Variants in ANKHD1 observed in about 807,000 individuals in gnomAD.
ANKHD1 encodes the protein ankyrin repeat and KH domain-containing protein 1.
In ANKHD1, 31 loss-of-function variants were observed where a neutral mutation model predicts 230.5. The ratio of observed to expected loss-of-function variants is 0.13; its 90% CI spans 0.10 to 0.18. ANKHD1 has a LOEUF of 0.18. Among genes scored for constraint, ANKHD1 ranks in the 10% least tolerant of loss-of-function variants. The probability of loss-of-function intolerance (pLI) is 1.00; values close to 1 mark genes in which losing one functional copy is unlikely to be tolerated. For missense variants in ANKHD1, 2,256 were observed against 3,071.3 expected, an observed-to-expected ratio of 0.73 and a Z score of 6.27; for synonymous variants, 1,074 against 1,117.6, an observed-to-expected ratio of 0.96 and a Z score of 0.78.
chr5:140,524,894 T>G, intron 25 of ANKHD1: 1 of 237,764 alleles, frequency 4.2e-6, no homozygotes, highest in Non-Finnish European at 8.5e-6. Context: ...AGGTCAGGAG[T>G]TTGAGACCAG....
chr5:140,474,012 G>A lies in ANKHD1; in HGVS notation c.1783-8568G>A, dbSNP rs574474525. ...TTTTACACTTTGAGACATTGGTAGA[G>A]GCCATACAGATTATTCTGCATCATT... On this transcript the variant is annotated intron_variant, in intron 10 of 33. Transcript: ENST00000360839. Among the ~76,000 whole-genome samples the A allele has an allele frequency of 3.0e-4, 45 of 152,212 alleles. No individual in the cohort carries two copies. The South Asian group carries it at 5.6e-3, about 19-fold the overall frequency.
intron 10 of ANKHD1, 30 bp from the exon 11 acceptor site, chr5:140,482,550 G>C: frequency 6.2e-7 from 1 of 1,605,828 alleles, no homozygotes. Flanking sequence ...TGTTGGCATT[G>C]ATGGATTATT....
At chr5:140,422,938 C>G (rs1314822961) in intron 1 of ANKHD1, among the ~76,000 whole-genome samples, 2 of 151,628 alleles carry the variant, frequency 1.3e-5, no homozygotes, top group South Asian at 4.2e-4. Flanking sequence ...TGCAGTGGTG[C>G]GATCATGGCT....
At chr5:140,415,941 C>T (rs930664698) in intron 1 of ANKHD1, among the ~76,000 whole-genome samples, 1 of 152,060 alleles carries the variant, frequency 6.6e-6, no homozygotes, top group African/African-American at 2.4e-5. Flanking sequence ...TTCCCCCTCC[C>T]CTGACCCCAC....
chr5:140,531,621 T>G (rs1451482510), intron 29 of ANKHD1, among the ~76,000 whole-genome samples: 6 of 151,694 alleles, frequency 4.0e-5, no homozygotes, highest in East Asian at 1.9e-4. Flanking sequence ...TGGGAAAAGA[T>G]AGAGAGAAAC....
intron 10 of ANKHD1, among the ~76,000 whole-genome samples, chr5:140,469,140 T>C (rs1010666021): frequency 1.3e-5 from 2 of 151,642 alleles, no homozygotes; most frequent in African/African-American, 4.8e-5. Context: ...CCCTCCTTCC[T>C]TCTTCTTCCT....
At chr5:140,508,253 TTACAACTTTTGAATGTAGTA>T (rs1403877789) in intron 20 of ANKHD1, among the ~76,000 whole-genome samples, 1 of 152,214 alleles carries the variant, frequency 6.6e-6, no homozygotes, top group Non-Finnish European at 1.5e-5. Flanking sequence ...ATACTGCAGC[TTACAACTTTTGAATGTAGTA>T]AGATTATTTT....
intron 9 of ANKHD1, 94 bp from the exon 10 acceptor site, chr5:140,464,573 T>G: frequency 9.5e-7 from 1 of 1,058,008 alleles, no homozygotes. Flanking sequence ...TATTTTCACA[T>G]TTTGAATTCT....
chr5:140,443,357 G>A (rs1774013952), intron 5 of ANKHD1, among the ~76,000 whole-genome samples: 1 of 151,844 alleles, frequency 6.6e-6, no homozygotes, highest in Non-Finnish European at 1.5e-5. Context: ...CTTTGTTCTG[G>A]TTAACAGCAT....
intron 29 of ANKHD1, chr5:140,531,260 G>C: frequency 2.4e-6 from 1 of 412,318 alleles, no homozygotes; most frequent in Non-Finnish European, 4.8e-6. Context: ...CACGGATATA[G>C]TTTACTTTCC....
At chr5:140,536,746 G>A (rs1754097353) in intron 30 of ANKHD1, among the ~76,000 whole-genome samples, 1 of 152,158 alleles carries the variant, frequency 6.6e-6, no homozygotes. Context: ...AAATGTGGCT[G>A]GGCGTGGTGG....
chr5:140,413,951 T>G lies in ANKHD1; in HGVS notation c.306+11678T>G, dbSNP rs1771145294. 2.0e-5 allele frequency among the ~76,000 whole-genome samples: 3 copies of G among 152,084 alleles called. No homozygotes were observed. The South Asian group carries it at 6.2e-4, about 31-fold the overall frequency. On this transcript the variant is annotated intron_variant, in intron 1 of 33. Coordinates refer to ENST00000360839, the MANE Select transcript of ANKHD1 (RefSeq NM_017747.3). ...GTGTGCCACCATGCCTGGCTAATTT[T>G]TGTATTTTTAGTGGAGATGGGGTTT...
At chr5:140,539,209 A>G (rs1290925835) in intron 33 of ANKHD1, 126 bp downstream of exon 33, 2 of 1,516,174 alleles carry the variant, frequency 1.3e-6, no homozygotes, top group Non-Finnish European at 1.8e-6. Context: ...TGCTTTTTCA[A>G]TATCAAGATG....
At position 140,496,728 on chromosome 5, in the gene ANKHD1, A is replaced by G; in HGVS notation, c.2454A>G (p.Glu818=). The G allele has an allele frequency of 6.2e-7, 1 of 1,613,800 alleles. No homozygotes were observed. Among genetic ancestry groups the G allele is most frequent in the Non-Finnish European group, 8.5e-7 (1 of 1,179,958 alleles). Reference sequence around the variant, plus strand: ...AACCTCTGAACAAAGATAAGATAGAAGAACTTAAAAAGAACAGAGAAGAGC... The same window carrying G: ...AACCTCTGAACAAAGATAAGATAGAGGAACTTAAAAAGAACAGAGAAGAGC... ...QGEPLNKDKI[E]ELKKNREEQV... The change falls in exon 15 of 34, where the codon GAA becomes GAG. Residue 818 remains glutamate, a synonymous_variant. Coordinates refer to ENST00000360839, the MANE Select transcript of ANKHD1 (RefSeq NM_017747.3).
chr5:140,510,260 T>C, intron 22 of ANKHD1, 79 bp downstream of exon 22: 2 of 1,454,328 alleles, frequency 1.4e-6, no homozygotes, highest in Non-Finnish European at 1.8e-6. Flanking sequence ...AAGTTTATCT[T>C]GGAGAATTGA....
At chr5:140,464,515 TA>T in intron 9 of ANKHD1, 151 bp from the exon 10 acceptor site, 1 of 585,052 alleles carries the variant, frequency 1.7e-6, no homozygotes. Flanking sequence ...AAATTATTTT[TA>T]TAAAGCATAT....
At chr5:140,452,615 A>G (rs114189376) in intron 7 of ANKHD1, among the ~76,000 whole-genome samples, 130 of 152,300 alleles carry the variant, frequency 8.5e-4, no homozygotes, top group African/African-American at 3.0e-3. Context: ...AACGGTCTAG[A>G]GTGGACCTCC....
intron 1 of ANKHD1, among the ~76,000 whole-genome samples, chr5:140,403,977 T>C (rs1770206946): frequency 6.6e-6 from 1 of 152,266 alleles, no homozygotes; most frequent in Non-Finnish European, 1.5e-5. Flanking sequence ...TAGTACATTC[T>C]GACCCTAACA....
intron 1 of ANKHD1, among the ~76,000 whole-genome samples, chr5:140,416,215 C>T (rs1200269845): frequency 6.6e-6 from 1 of 152,156 alleles, no homozygotes; most frequent in Non-Finnish European, 1.5e-5. Flanking sequence ...GGTTCCAAGT[C>T]TTTGCTATTG....
Sources: allele counts gnomAD v4.1 joint callset (sites outside exome capture counted in the v4.1 genomes callset), GRCh38; gene constraint gnomAD v4.1.1; transcripts MANE v1.5; gene names NCBI Gene and HGNC (gene_info 2026-07-23, HGNC 2026-07-21).